The following TICRR variants were observed in gnomAD, a reference collection of about 807,000 sequenced individuals.
TICRR encodes TOPBP1 interacting checkpoint and replication regulator.
A neutral mutation model predicts 178.1 loss-of-function variants in TICRR; 132 were observed. That is an observed-to-expected ratio of 0.74 (90% CI 0.64 to 0.86). The LOEUF is 0.86. Among genes scored for constraint, TICRR ranks in the 40% least tolerant of loss-of-function variants. The pLI is 0.00. For synonymous variants in TICRR, 991 were observed against 900.7 expected (o/e 1.10, Z -1.79); for missense variants, 2,587 against 2,334.3 (o/e 1.11, Z -2.23).
Position 89,627,244 on chromosome 15 carries a change from T to G in TICRR, c.*158T>G. ...TTTCTAATTCCCCTTATGGATCCAA[T>G]CCATCTCCTGGCCCTGCCCCTTGTT... On this transcript the variant is annotated 3_prime_UTR_variant, in exon 22 of 22. Coordinates refer to ENST00000268138, the MANE Select transcript of TICRR (RefSeq NM_152259.4). The G allele has an allele frequency of 8.9e-5, 72 of 806,194 alleles. No homozygotes were observed. The highest frequency in any genetic ancestry group is 1.2e-4 in the Non-Finnish European group (61 of 524,972). 49.9% of individuals were successfully genotyped at this position (806,194 alleles called of 1,614,324 possible).
chr15:89,624,090 G>T lies in TICRR; in HGVS notation c.3780G>T (p.Thr1260=). 1 of 1,613,554 alleles carries T rather than the reference G, an allele frequency of 6.2e-7. No individual in the cohort carries two copies. ...TPPRAAAFMG[T]PQNQTHQQPH... The stretch of plus-strand genomic sequence containing the variant: ...CGAGAGCAGCAGCCTTCATGGGCAC[G>T]CCTCAGAATCAAACACACCAACAGC... The change falls in exon 20 of 22, where the codon ACG becomes ACT. Residue 1260 remains threonine, a synonymous_variant. Transcript: ENST00000268138.
chr15:89,591,061 G>T (rs1962903394), intron 4 of TICRR, among the ~76,000 whole-genome samples: 2 of 152,100 alleles, frequency 1.3e-5, no homozygotes, highest in South Asian at 4.1e-4. Flanking sequence ...TTCCTACTCA[G>T]TGCAGCAGAA....
intron 1 of TICRR, among the ~76,000 whole-genome samples, chr15:89,576,851 A>G (rs1187132547): frequency 1.4e-5 from 2 of 140,492 alleles, no homozygotes; most frequent in East Asian, 4.0e-4. Context: ...ATATATATAT[A>G]TATATATATA....
At chr15:89,606,061 T>C (rs1051862358) in intron 13 of TICRR, among the ~76,000 whole-genome samples, 1 of 152,202 alleles carries the variant, frequency 6.6e-6, no homozygotes, top group Non-Finnish European at 1.5e-5. Context: ...AAAGTTAGGG[T>C]GTTCCTTCTC....
At chr15:89,595,894 G>C (rs1962990949) in intron 7 of TICRR, among the ~76,000 whole-genome samples, 1 of 152,054 alleles carries the variant, frequency 6.6e-6, no homozygotes. Context: ...AGAAAATTCT[G>C]AGGTGTAAAT....
intron 1 of TICRR, among the ~76,000 whole-genome samples, chr15:89,576,821 G>GTGTGTATATATA (rs1216773233): frequency 3.2e-5 from 3 of 92,438 alleles, no homozygotes; most frequent in African/African-American, 1.2e-4. Context: ...ATGTGTGTGT[G>GTGTGTATATATA]TATATATATA....
Position 89,625,967 on chromosome 15 carries a change from G to A in TICRR, c.5508G>A (p.Arg1836=). ...CCCCACCTCCCAGCTGTGCCGTGCG[G>A]AGCTGCCTCTCTGCCAGTGCCCTCC... ...GSTPPPSCAV[R]SCLSASALQA... The change falls in exon 21 of 22, where the codon CGG becomes CGA. Residue 1836 remains arginine (R), a synonymous_variant. Coordinates refer to ENST00000268138, the MANE Select transcript of TICRR (RefSeq NM_152259.4). 4 of 1,600,426 alleles carry A rather than the reference G, an allele frequency of 2.5e-6. No homozygotes were observed. Among genetic ancestry groups the A allele is most frequent in the Non-Finnish European group, 1.7e-6 (2 of 1,174,170 alleles).
chr15:89,584,164 C>A lies in TICRR; in HGVS notation c.935-122C>A, dbSNP rs529540399. 5.1e-5 allele frequency: 52 copies of A among 1,015,450 alleles called. No homozygotes were observed. In the Admixed American group the frequency reaches 9.0e-4, roughly 18 times the overall value. The allele number at this position is 1,015,450 out of a possible 1,614,324, so 62.9% of individuals were successfully genotyped here. A position where few individuals can be genotyped will look rare whatever the true frequency, so the allele number is the denominator to read the frequency against. ...AACTAAGTGACAGTATCTCAATTGACAACTTGATTATTTTCTTATTGTTAT... is the reference window on the plus strand; with the variant it reads ...AACTAAGTGACAGTATCTCAATTGAAAACTTGATTATTTTCTTATTGTTAT... On this transcript the variant is annotated intron_variant, in intron 2 of 21. Transcript: ENST00000268138.
chr15:89,627,402 C>A lies in TICRR; in HGVS notation c.*316C>A. 3.0e-6 allele frequency: 1 copy of A among 329,970 alleles called. No homozygotes were observed. The highest frequency in any genetic ancestry group is 5.6e-6 in the Non-Finnish European group (1 of 179,634). The allele number at this position is 329,970 out of a possible 1,614,324, so 20.4% of individuals were successfully genotyped here. Reference sequence around the variant, plus strand: ...ACCATGACCTTGGCAAGTCAGGGGGCCACTCTGCCTCATTTATGCAAATGG... The same window carrying A: ...ACCATGACCTTGGCAAGTCAGGGGGACACTCTGCCTCATTTATGCAAATGG... On this transcript the variant is annotated 3_prime_UTR_variant, in exon 22 of 22. Transcript: ENST00000268138.
At chr15:89,615,376 T>C (rs543321517) in intron 15 of TICRR, among the ~76,000 whole-genome samples, 9 of 152,314 alleles carry the variant, frequency 5.9e-5, no homozygotes, top group Non-Finnish European at 1.0e-4. Flanking sequence ...GCTGCTGGGC[T>C]GTTGGTTTTC....
In TICRR at chr15:89,582,323, C is replaced by A. The variant is rs370420904; in HGVS notation, c.655-363C>A. On this transcript the variant is annotated intron_variant, in intron 1 of 21. Transcript: ENST00000268138. ...TGGGTGACAGATCAAGACTCTGACT[C>A]AAAAAAAAAAAAAAAAAGGTTATTT... 702 of 112,756 alleles carry A rather than the reference C, an allele frequency of 6.2e-3. 1 individual carries two copies. Among genetic ancestry groups the A allele is most frequent in the Middle Eastern group, 0.014 (3 of 214 alleles). The allele number at this position is 112,756 out of a possible 1,614,324, so 7.0% of individuals were successfully genotyped here. A position where few individuals can be genotyped will look rare whatever the true frequency, so the allele number is the denominator to read the frequency against.
chr15:89,576,811 ATGTGTG>A (rs1178280901), intron 1 of TICRR, among the ~76,000 whole-genome samples: 16 of 11,884 alleles, frequency 1.3e-3, no homozygotes, highest in African/African-American at 2.6e-3. Flanking sequence ...GTGTGTGTGT[ATGTGTG>A]TGTGTATATA....
At position 89,625,208 on chromosome 15, in the gene TICRR, C is replaced by G. The variant is rs922571539; in HGVS notation, c.4898C>G (p.Thr1633Arg). The change falls in exon 20 of 22, where the codon ACA becomes AGA. Residue 1633 changes from threonine (T) to arginine (R), a missense_variant. Transcript: ENST00000268138. ...SPPCPRLSHSTPGKSRGQTYI... is the reference protein window; with the variant it reads ...SPPCPRLSHSRPGKSRGQTYI... ...CCCTGCCCCCGCCTCTCCCACAGCA[C>G]ACCTGGCAAGAGCAGGGGGCAAACC... The G allele has an allele frequency of 6.2e-7, 1 of 1,613,638 alleles. No homozygotes were observed. Among genetic ancestry groups the G allele is most frequent in the African/African-American group, 1.3e-5 (1 of 74,884 alleles).
rs148211883 is a variant in TICRR, at chr15:89,595,340, T to C, written c.1682-53T>C. ...AATCTGAATTAAAGTAGTTCTTCTT[T>C]CCACAGAAGTGGAAGGCAATTTACT... On this transcript the variant is annotated intron_variant, in intron 6 of 21. Coordinates refer to ENST00000268138, the MANE Select transcript of TICRR (RefSeq NM_152259.4). The C allele has an allele frequency of 2.4e-4, 315 of 1,295,976 alleles. 1 individual carries two copies. In the African/African-American group the frequency reaches 4.3e-3, roughly 18 times the overall value. 80.3% of individuals were successfully genotyped at this position (1,295,976 alleles called of 1,614,324 possible).
intron 15 of TICRR, among the ~76,000 whole-genome samples, 192 bp downstream of exon 15, chr15:89,609,141 T>G (rs1963219479): frequency 7.4e-6 from 1 of 135,626 alleles, no homozygotes; most frequent in African/African-American, 2.8e-5. Flanking sequence ...GACAGGTTCT[T>G]GCTCTATCAC....
At chr15:89,616,721 T>C (rs1963341983) in intron 16 of TICRR, among the ~76,000 whole-genome samples, 3 of 152,242 alleles carry the variant, frequency 2.0e-5, no homozygotes, top group African/African-American at 7.2e-5. Context: ...TTGCATGCAA[T>C]AGTTCATCCT....
At chr15:89,595,658 A>T in intron 7 of TICRR, 47 bp downstream of exon 7, 1 of 1,446,256 alleles carries the variant, frequency 6.9e-7, no homozygotes, top group African/African-American at 1.4e-5. Flanking sequence ...CCGCTTTTTT[A>T]AAAATAAAAT....
intron 15 of TICRR, among the ~76,000 whole-genome samples, chr15:89,614,418 G>A (rs905208478): frequency 4.0e-5 from 6 of 151,506 alleles, no homozygotes; most frequent in Admixed American, 2.6e-4. Flanking sequence ...TGACTTCCTG[G>A]CTTAAGCAAT....
chr15:89,594,849 T>A (rs1458985020), intron 6 of TICRR, among the ~76,000 whole-genome samples: 1 of 152,224 alleles, frequency 6.6e-6, no homozygotes, highest in Non-Finnish European at 1.5e-5. Context: ...TTTTAGATAT[T>A]ATTCCATCTC....
Sources: allele counts gnomAD v4.1 joint callset (sites outside exome capture counted in the v4.1 genomes callset), GRCh38; gene constraint gnomAD v4.1.1; transcripts MANE v1.5; gene names NCBI Gene and HGNC (gene_info 2026-07-23, HGNC 2026-07-21).